Variants in HMCN1 observed in about 807,000 individuals in gnomAD.
HMCN1 encodes hemicentin-1.
Under a neutral mutation model 625.9 loss-of-function variants are expected in HMCN1, and 321 were observed. The ratio of observed to expected loss-of-function variants is 0.51; its 90% confidence interval spans 0.47 to 0.56. The LOEUF is 0.56. HMCN1 is among the 20% of genes least tolerant of loss of function. The pLI, the probability that HMCN1 is intolerant of heterozygous loss-of-function variation, is 0.00. For missense variants in HMCN1, 6,588 were observed against 6,887.3 expected (o/e 0.96, Z 1.54); for synonymous variants, 2,425 against 2,417.6 (o/e 1.00, Z -0.09).
chr1:185,762,302 C>G (rs1655564896), intron 1 of HMCN1, among the ~76,000 whole-genome samples: 1 of 152,112 alleles, frequency 6.6e-6, no homozygotes, highest in Non-Finnish European at 1.5e-5. Flanking sequence ...CTACTTTCAG[C>G]AAGACAAGCT....
At chr1:186,023,751 A>G (rs1388114576) in intron 36 of HMCN1, among the ~76,000 whole-genome samples, 6 of 152,222 alleles carry the variant, frequency 3.9e-5, no homozygotes, top group Non-Finnish European at 8.8e-5. Context: ...AAAACTGTTC[A>G]AGATTTTCAT....
chr1:185,922,298 A>G (rs1667040775), intron 6 of HMCN1, 81 bp from the exon 7 acceptor site: 1 of 1,453,496 alleles, frequency 6.9e-7, no homozygotes, highest in African/African-American at 1.4e-5. Flanking sequence ...AATATTGTGC[A>G]GTTTCCCATA....
intron 4 of HMCN1, among the ~76,000 whole-genome samples, chr1:185,886,618 C>A (rs1364678029): frequency 6.6e-6 from 1 of 151,092 alleles, no homozygotes; most frequent in Non-Finnish European, 1.5e-5. Flanking sequence ...ATTGTGTTTA[C>A]CACATCAAAT....
Position 185,993,226 on chromosome 1 carries a change from G to T in HMCN1, c.3422G>T (p.Arg1141Leu), listed in dbSNP as rs370518238. The stretch of plus-strand genomic sequence containing the variant: ...GGTTCAATGAAGATCACTGAAACCC[G>T]CACTTCAGATAGTGGGATGTATCTT... ...PSGSMKITETRTSDSGMYLCV... is the reference protein window; with the variant it reads ...PSGSMKITETLTSDSGMYLCV... The change falls in exon 23 of 107, where the codon CGC (arginine) becomes CTC (leucine). Residue 1141 changes from arginine to leucine, a missense_variant. Arg to Leu is a moderately radical substitution (Grantham distance 102). Coordinates refer to ENST00000271588, the MANE Select transcript of HMCN1 (RefSeq NM_031935.3). The T allele has an allele frequency of 1.2e-6, 2 of 1,612,582 alleles. No homozygotes were observed. The highest frequency in any genetic ancestry group is 1.7e-5 in the Admixed American group (1 of 59,988).
chr1:185,801,685 C>T (rs975860750), intron 1 of HMCN1, among the ~76,000 whole-genome samples: 1 of 152,042 alleles, frequency 6.6e-6, no homozygotes, highest in Non-Finnish European at 1.5e-5. Flanking sequence ...AATAACAGTT[C>T]ATAAGAGGAA....
At chr1:185,857,663 T>G (rs1332539687) in intron 2 of HMCN1, among the ~76,000 whole-genome samples, 1 of 152,130 alleles carries the variant, frequency 6.6e-6, no homozygotes, top group Non-Finnish European at 1.5e-5. Context: ...GGAATTGTAT[T>G]ACTCGAAATG....
intron 11 of HMCN1, among the ~76,000 whole-genome samples, chr1:185,953,967 C>T (rs1041146837): frequency 5.4e-5 from 8 of 148,696 alleles, no homozygotes; most frequent in South Asian, 4.4e-4. Flanking sequence ...GAGTGGGGGT[C>T]GCAAGGTGCT....
intron 1 of HMCN1, among the ~76,000 whole-genome samples, chr1:185,744,168 T>A (rs1654222460): frequency 6.6e-6 from 1 of 150,754 alleles, no homozygotes; most frequent in Non-Finnish European, 1.5e-5. Context: ...TTTTTTTTTT[T>A]AATTGTTAGT....
At chr1:185,804,067 T>C (rs1316242077) in intron 1 of HMCN1, among the ~76,000 whole-genome samples, 2 of 152,108 alleles carry the variant, frequency 1.3e-5, no homozygotes, top group African/African-American at 4.8e-5. Context: ...TCTCTTTTCA[T>C]ACCTTCTAAA....
intron 6 of HMCN1, among the ~76,000 whole-genome samples, chr1:185,915,504 AT>A (rs1429491041): frequency 6.6e-6 from 1 of 152,022 alleles, no homozygotes; most frequent in Non-Finnish European, 1.5e-5. Context: ...TGATCATTTA[AT>A]TTAACATATC....
intron 93 of HMCN1, among the ~76,000 whole-genome samples, chr1:186,150,673 G>A (rs541884183): frequency 1.3e-5 from 2 of 152,072 alleles, no homozygotes; most frequent in East Asian, 1.9e-4. Flanking sequence ...TCATGAAGGA[G>A]GCAACAAATA....
At chr1:185,744,261 G>A (rs546888853) in intron 1 of HMCN1, among the ~76,000 whole-genome samples, 73 of 152,012 alleles carry the variant, frequency 4.8e-4, no homozygotes, top group African/African-American at 1.6e-3. Flanking sequence ...CCCAAAGTGC[G>A]GGATTACAGG....
chr1:186,028,278 G>C (rs999816574), intron 36 of HMCN1, among the ~76,000 whole-genome samples: 4 of 152,088 alleles, frequency 2.6e-5, no homozygotes, highest in South Asian at 2.1e-4. Context: ...AAATTGAATG[G>C]AATTCAACCT....
chr1:186,053,877 C>A lies in HMCN1; in HGVS notation c.6753C>A (p.Gly2251=), dbSNP rs751790241. Residue 2251 remains glycine (G), a synonymous_variant, in exon 44 of 107, where the codon GGC becomes GGA. Coordinates refer to ENST00000271588, the MANE Select transcript of HMCN1 (RefSeq NM_031935.3). ...SMGRVRILSG[G]RQLQISIAEK... ...GGCGAGTTAGAATTTTATCTGGGGGCAGGCAATTACAAATTTCAATTGCTG... is the reference window on the plus strand; with the variant it reads ...GGCGAGTTAGAATTTTATCTGGGGGAAGGCAATTACAAATTTCAATTGCTG... 6.2e-7 allele frequency: 1 copy of A among 1,612,630 alleles called. No homozygotes were observed. The highest frequency in any genetic ancestry group is 8.5e-7 in the Non-Finnish European group (1 of 1,179,140).
chr1:186,109,936 G>A (rs1240867723), intron 71 of HMCN1, among the ~76,000 whole-genome samples: 1 of 152,126 alleles, frequency 6.6e-6, no homozygotes, highest in Non-Finnish European at 1.5e-5. Context: ...CAGACCATTA[G>A]GTGTAAAGGT....
chr1:185,982,512 C>T (rs1651717966), intron 18 of HMCN1, 123 bp downstream of exon 18: 4 of 863,040 alleles, frequency 4.6e-6, no homozygotes, highest in South Asian at 3.1e-5. Context: ...GGGATCTAGG[C>T]TCACCGCAAC....
intron 36 of HMCN1, among the ~76,000 whole-genome samples, chr1:186,033,960 A>G (rs1655654024): frequency 6.6e-6 from 1 of 152,118 alleles, no homozygotes; most frequent in Admixed American, 6.6e-5. Flanking sequence ...ATCCTGCCAA[A>G]TTTTCATATC....
At chr1:186,143,425 A>C (rs181433564) in intron 89 of HMCN1, among the ~76,000 whole-genome samples, 291 of 152,312 alleles carry the variant, frequency 1.9e-3, no homozygotes, top group African/African-American at 6.6e-3. Context: ...ATAATGTTGA[A>C]TCTCAGCCCA....
chr1:185,806,803 C>T (rs1659201212), intron 1 of HMCN1, among the ~76,000 whole-genome samples: 1 of 151,984 alleles, frequency 6.6e-6, no homozygotes, highest in Non-Finnish European at 1.5e-5. Context: ...TTATAAAATG[C>T]CCACTGTGTT....
Sources: allele counts gnomAD v4.1 joint callset (sites outside exome capture counted in the v4.1 genomes callset), GRCh38; gene constraint gnomAD v4.1.1; transcripts MANE v1.5; gene names NCBI Gene and HGNC (gene_info 2026-07-23, HGNC 2026-07-21).